The following ITCH variants were observed in gnomAD, a reference collection of about 807,000 sequenced individuals.
ITCH encodes E3 ubiquitin-protein ligase Itchy homolog.
In ITCH, 28 loss-of-function variants were observed where a neutral mutation model predicts 126.8. The ratio of observed to expected loss-of-function variants is 0.22; its 90% confidence interval spans 0.16 to 0.30. The LOEUF is 0.30. Among genes scored for constraint, ITCH ranks in the 10% least tolerant of loss-of-function variants. The pLI, the probability that ITCH is intolerant of heterozygous loss-of-function variation, is 1.00. For missense variants in ITCH, 631 were observed against 1,032.4 expected (o/e 0.61, Z 5.33); for synonymous variants, 342 against 340.0 (o/e 1.01, Z -0.06).
At chr20:34,393,477 A>T (rs894241396) in intron 2 of ITCH, among the ~76,000 whole-genome samples, 1 of 152,188 alleles carries the variant, frequency 6.6e-6, no homozygotes, top group Admixed American at 6.5e-5. Flanking sequence ...AGGATATGTT[A>T]GCGTTAAGAT....
intron 7 of ITCH, among the ~76,000 whole-genome samples, chr20:34,430,286 G>C (rs192929183): frequency 2.9e-4 from 44 of 152,280 alleles, no homozygotes; most frequent in South Asian, 1.0e-3. Context: ...TTCAGAGCCT[G>C]AGCTCGTAAC....
At chr20:34,411,751 T>G in intron 4 of ITCH, among the ~76,000 whole-genome samples, 1 of 152,166 alleles carries the variant, frequency 6.6e-6, no homozygotes, top group Non-Finnish European at 1.5e-5. Context: ...AGGACTGTGG[T>G]AGATTATATA....
intron 3 of ITCH, chr20:34,402,160 A>C: frequency 8.3e-7 from 1 of 1,199,934 alleles, no homozygotes; most frequent in Non-Finnish European, 1.2e-6. Flanking sequence ...AGCAGCACAC[A>C]TATGCAGCTC....
At chr20:34,487,909 A>G (rs1439053055) in intron 20 of ITCH, among the ~76,000 whole-genome samples, 1 of 152,256 alleles carries the variant, frequency 6.6e-6, no homozygotes, top group African/African-American at 2.4e-5. Flanking sequence ...ATTGCGCTTC[A>G]GCCTAGGGGA....
intron 7 of ITCH, among the ~76,000 whole-genome samples, chr20:34,427,888 T>G (rs1046220393): frequency 6.6e-6 from 1 of 152,224 alleles, no homozygotes. Context: ...TCTGCAAGTC[T>G]CTTTCTTAAC....
At chr20:34,438,402 G>GTT in intron 7 of ITCH, 72 bp from the exon 8 acceptor site, 1 of 1,527,148 alleles carries the variant, frequency 6.5e-7, no homozygotes, top group Non-Finnish European at 9.1e-7. Context: ...TCCTCCTGCT[G>GTT]TTTTTTTTCT....
At chr20:34,441,516 C>A (rs1320681639) in intron 9 of ITCH, 1 of 152,128 alleles carries the variant, frequency 6.6e-6, no homozygotes, top group Non-Finnish European at 1.5e-5. Context: ...CCTCCGTCTT[C>A]CGGGTTCAAG....
At chr20:34,448,591 G>GT (rs972056486) in intron 11 of ITCH, among the ~76,000 whole-genome samples, 58 of 148,132 alleles carry the variant, frequency 3.9e-4, no homozygotes, top group Middle Eastern at 3.5e-3. Context: ...TGTTTTACTT[G>GT]TTTTTTTTTT....
At chr20:34,503,428 G>T (rs1990385765) in intron 23 of ITCH, among the ~76,000 whole-genome samples, 1 of 152,294 alleles carries the variant, frequency 6.6e-6, no homozygotes, top group African/African-American at 2.4e-5. Context: ...CCAGCAGCAG[G>T]TAAATGAGGG....
chr20:34,374,081 C>T (rs945834212), intron 2 of ITCH, among the ~76,000 whole-genome samples: 7 of 152,032 alleles, frequency 4.6e-5, no homozygotes, highest in African/African-American at 1.7e-4. Flanking sequence ...GACGAGGTTT[C>T]ACCATGTTGG....
At chr20:34,424,583 C>T in intron 7 of ITCH, 58 bp downstream of exon 7, 2 of 1,359,732 alleles carry the variant, frequency 1.5e-6, no homozygotes, top group Non-Finnish European at 2.1e-6. Context: ...CCTAAATATT[C>T]ATTTTAGTGT....
At chr20:34,410,612 G>C (rs189266839) in intron 4 of ITCH, among the ~76,000 whole-genome samples, 8 of 152,248 alleles carry the variant, frequency 5.3e-5, no homozygotes, top group South Asian at 2.1e-4. Context: ...GGAGGATAAG[G>C]GGGGAGGATA....
intron 21 of ITCH, 73 bp from the exon 22 acceptor site, chr20:34,489,749 C>A: frequency 1.0e-6 from 1 of 975,716 alleles, no homozygotes; most frequent in Non-Finnish European, 1.7e-6. Flanking sequence ...TTTGCTTAAT[C>A]TTAGTCTTTC....
intron 3 of ITCH, among the ~76,000 whole-genome samples, chr20:34,399,245 A>T (rs1181831064): frequency 6.6e-6 from 1 of 151,988 alleles, no homozygotes; most frequent in Non-Finnish European, 1.5e-5. Context: ...ATACAAAATT[A>T]GCCGGGCATG....
rs1191416990 is a variant in ITCH, at chr20:34,438,602, G to A, written c.650G>A (p.Arg217Gln). 6.2e-6 allele frequency: 10 copies of A among 1,613,686 alleles called. No homozygotes were observed. The highest frequency in any genetic ancestry group is 6.8e-6 in the Non-Finnish European group (8 of 1,179,994). The change falls in exon 8 of 25, where the codon CGA becomes CAA. Residue 217 changes from arginine to glutamine, a missense_variant. By Grantham distance (43) the Arg-to-Gln change is conservative (BLOSUM62 1). This residue lies in a region of ITCH where 220 missense variants were observed against 265.7 expected (regional missense o/e 0.83). Transcript: ENST00000374864. Reference protein sequence around the residue: ...FKPSRPPRPSRPPPPTPRRPA... With the variant: ...FKPSRPPRPSQPPPPTPRRPA... ...CCTTCTAGACCTCCAAGACCTTCAC[G>A]ACCACCACCACCCACCCCACGTAGA...
chr20:34,507,977 G>C lies in ITCH; in HGVS notation c.*183G>C. ...TTCTACTCAGCGTTTCCAGAAATCA[G>C]GTCTGCAAATGACTAGTCAGAACCT... On this transcript the variant is annotated 3_prime_UTR_variant, in exon 25 of 25. Coordinates refer to ENST00000374864, the MANE Select transcript of ITCH (RefSeq NM_031483.7). 2 of 586,374 alleles carry C rather than the reference G, an allele frequency of 3.4e-6. No individual in the cohort carries two copies. Among genetic ancestry groups the C allele is most frequent in the South Asian group, 1.9e-5 (1 of 53,668 alleles). 36.3% of individuals were successfully genotyped at this position (586,374 alleles called of 1,614,324 possible).
intron 7 of ITCH, among the ~76,000 whole-genome samples, chr20:34,426,436 T>G (rs752527512): frequency 6.6e-6 from 1 of 152,098 alleles, no homozygotes; most frequent in Non-Finnish European, 1.5e-5. Flanking sequence ...ATGGGTTGTT[T>G]TTTTTTTGTT....
At chr20:34,401,550 G>A (rs1325085376) in intron 3 of ITCH, 3 of 641,358 alleles carry the variant, frequency 4.7e-6, no homozygotes, top group East Asian at 1.4e-4. Context: ...GAGTAAAAAG[G>A]CAACTAACTT....
intron 6 of ITCH, among the ~76,000 whole-genome samples, chr20:34,419,717 C>T (rs938889453): frequency 2.0e-5 from 3 of 152,160 alleles, no homozygotes; most frequent in South Asian, 2.1e-4. Flanking sequence ...GGCAGTGGTA[C>T]TATCTCCGCT....
Sources: gnomAD v4.1 joint callset for allele counts (sites outside exome capture counted in the v4.1 genomes callset) on GRCh38, gnomAD v4.1.1 for gene constraint, gnomAD v4.1.1 regional missense constraint, MANE v1.5 for transcripts, NCBI Gene and HGNC (gene_info 2026-07-23, HGNC 2026-07-21) for gene names.